Variants in UPP2 observed in about 807,000 individuals in gnomAD.
UPP2 encodes the protein UPase 2.
Under a neutral mutation model 26.7 loss-of-function variants are expected in UPP2, and 23 were observed. That is an observed-to-expected ratio of 0.86 (90% confidence interval 0.62 to 1.22). UPP2 has a LOEUF of 1.22. UPP2 is among the 50% of genes most tolerant of loss of function. UPP2 has a pLI of 0.00. For synonymous variants in UPP2, 127 were observed against 141.3 expected (o/e 0.90, Z 0.72); for missense variants, 387 against 396.7 (o/e 0.98, Z 0.21).
chr2:158,116,241 C>A (rs975668097), intron 3 of UPP2, among the ~76,000 whole-genome samples: 1 of 152,198 alleles, frequency 6.6e-6, no homozygotes, highest in Non-Finnish European at 1.5e-5. Context: ...ATTCAATAAA[C>A]CATTACAGAA....
rs148504603 is a variant in UPP2, at chr2:158,065,019, G to A, written c.148-37021G>A. Among the ~76,000 whole-genome samples, 178 of 152,228 alleles carry A rather than the reference G, an allele frequency of 1.2e-3. 2 individuals are homozygous for A. The highest frequency in any genetic ancestry group is 3.9e-3 in the African/African-American group (161 of 41,546). On this transcript the variant is annotated intron_variant, in intron 3 of 9. Transcript: ENST00000605860. Reference sequence around the variant, plus strand: ...GTAGTATAGTTTGAAGTCAGGTAGCGTGATGCTTCCGAATAGGAACAGCTC... The same window carrying A: ...GTAGTATAGTTTGAAGTCAGGTAGCATGATGCTTCCGAATAGGAACAGCTC...
chr2:158,056,728 A>C (rs1200877127), intron 3 of UPP2, among the ~76,000 whole-genome samples: 1 of 152,208 alleles, frequency 6.6e-6, no homozygotes, highest in Non-Finnish European at 1.5e-5. Flanking sequence ...CGGCAGTCGT[A>C]CTGGATTCAG....
At chr2:158,011,776 C>T (rs1558903003) in intron 2 of UPP2, among the ~76,000 whole-genome samples, 1 of 152,148 alleles carries the variant, frequency 6.6e-6, no homozygotes, top group East Asian at 1.9e-4. Flanking sequence ...CCTGTCTATG[C>T]CTGGCACATC....
At chr2:158,003,743 C>T (rs1683445391) in intron 2 of UPP2, among the ~76,000 whole-genome samples, 1 of 149,202 alleles carries the variant, frequency 6.7e-6, no homozygotes, top group East Asian at 2.0e-4. Context: ...GAGAAAACTA[C>T]AACTCTGTGG....
chr2:158,001,853 G>A (rs10804388), intron 2 of UPP2, among the ~76,000 whole-genome samples: 107,135 of 151,224 alleles, frequency 0.71, 38,712 homozygotes, highest in East Asian at 0.98. Flanking sequence ...TTGCAACCTG[G>A]TAACAGGAGG....
At chr2:158,114,451 A>G (rs984527523) in intron 2 of UPP2, among the ~76,000 whole-genome samples, 2 of 152,220 alleles carry the variant, frequency 1.3e-5, no homozygotes, top group Non-Finnish European at 2.9e-5. Flanking sequence ...TGCAACACCT[A>G]TCCTAATTTC....
chr2:158,048,788 C>T (rs6437128), intron 3 of UPP2, among the ~76,000 whole-genome samples: 115,315 of 152,154 alleles, frequency 0.76, 44,850 homozygotes, highest in African/African-American at 0.93. Context: ...TTCTTGCTTC[C>T]CTGGGATCTA....
chr2:158,101,862 A>T (rs1467363188), upstream of UPP2: 5 of 1,343,594 alleles, frequency 3.7e-6, no homozygotes, highest in East Asian at 8.6e-5. Flanking sequence ...GTCAGGGAGG[A>T]CATCTTTTAT....
At position 158,012,960 on chromosome 2, in the gene UPP2, G is replaced by A. The variant is rs2105142511; in HGVS notation, c.62-2841G>A. On this transcript the variant is annotated intron_variant, in intron 2 of 9. Transcript: ENST00000605860. ...AAATATTATAATAAAATTCATCAAT[G>A]CCCCATTGTTGAATATTTAGATTGT... Among the ~76,000 whole-genome samples, 3 of 151,922 alleles carry A rather than the reference G, an allele frequency of 2.0e-5. No homozygotes were observed. In the East Asian group the frequency reaches 5.8e-4, roughly 29 times the overall value.
chr2:158,083,817 T>C (rs1221503554), intron 3 of UPP2, among the ~76,000 whole-genome samples: 4 of 149,242 alleles, frequency 2.7e-5, no homozygotes, highest in Admixed American at 6.7e-5. Context: ...TATATATATA[T>C]ACACGTATAT....
chr2:158,096,436 T>C (rs1329381864), intron 3 of UPP2, among the ~76,000 whole-genome samples: 1 of 151,964 alleles, frequency 6.6e-6, no homozygotes, highest in Non-Finnish European at 1.5e-5. Context: ...CCGTCTCTAC[T>C]AAAAATACAA....
intron 3 of UPP2, among the ~76,000 whole-genome samples, chr2:158,018,795 T>C (rs1227375787): frequency 6.6e-6 from 1 of 152,220 alleles, no homozygotes; most frequent in Admixed American, 6.5e-5. Flanking sequence ...TTCCCACTCT[T>C]CTTGGATCTT....
chr2:158,074,869 T>C (rs1682606196), intron 3 of UPP2, among the ~76,000 whole-genome samples: 1 of 149,834 alleles, frequency 6.7e-6, no homozygotes, highest in Admixed American at 6.6e-5. Flanking sequence ...ACCTGTTGCC[T>C]ACAAAAAAGG....
intron 2 of UPP2, 58 bp downstream of exon 2, chr2:158,106,274 C>T: frequency 2.7e-6 from 4 of 1,465,896 alleles, no homozygotes; most frequent in South Asian, 1.2e-5. Context: ...AATTTTTCTT[C>T]TTACCTTGCC....
At chr2:158,082,213 G>C (rs1171875752) in intron 3 of UPP2, among the ~76,000 whole-genome samples, 1 of 152,142 alleles carries the variant, frequency 6.6e-6, no homozygotes, top group Non-Finnish European at 1.5e-5. Context: ...GCCTCCCAAA[G>C]TGCTGGGATT....
intron 2 of UPP2, among the ~76,000 whole-genome samples, chr2:158,000,872 T>C (rs947575293): frequency 2.0e-5 from 3 of 152,228 alleles, no homozygotes; most frequent in Non-Finnish European, 4.4e-5. Flanking sequence ...ATTCACCCAG[T>C]TTCCTCATCA....
chr2:158,001,012 C>T (rs1683395829), intron 2 of UPP2, among the ~76,000 whole-genome samples: 1 of 152,244 alleles, frequency 6.6e-6, no homozygotes, highest in Non-Finnish European at 1.5e-5. Context: ...ACTGCATTCA[C>T]TTCTCTGTAT....
At chr2:158,100,508 A>G (rs1169226808), upstream of UPP2, among the ~76,000 whole-genome samples, 1 of 152,226 alleles carries the variant, frequency 6.6e-6, no homozygotes, top group Non-Finnish European at 1.5e-5. Flanking sequence ...GGCATGGAAT[A>G]TCAAATAAAG....
intron 3 of UPP2, among the ~76,000 whole-genome samples, chr2:158,083,865 T>TATATATATATATATATATA (rs1553467788): frequency 6.7e-4 from 80 of 118,736 alleles, no homozygotes; most frequent in Middle Eastern, 4.3e-3. Context: ...TATATATGTT[T>TATATATATATATATATATA]TTTATATATA....
Sources: gnomAD v4.1 joint callset for allele counts (sites outside exome capture counted in the v4.1 genomes callset) on GRCh38, gnomAD v4.1.1 for gene constraint, MANE v1.5 for transcripts, NCBI Gene and HGNC (gene_info 2026-07-23, HGNC 2026-07-21) for gene names.